The following INPP5F variants were observed in gnomAD, a reference collection of about 807,000 sequenced individuals.
The protein encoded by INPP5F is inositol polyphosphate-5-phosphatase F.
INPP5F carries 97 observed loss-of-function variants against 137.2 expected under a neutral mutation model. The observed-to-expected ratio is 0.71, with a 90% confidence interval of 0.60 to 0.84. The LOEUF (loss-of-function observed/expected upper bound fraction) is 0.84, where lower values mean the gene tolerates loss of function less well. Ranked by LOEUF, INPP5F falls within the 40% of genes least tolerant of loss-of-function variation. The probability of loss-of-function intolerance (pLI) is 0.00; values close to 1 mark genes in which losing one functional copy is unlikely to be tolerated. For missense variants in INPP5F, 1,271 were observed against 1,371.9 expected, an observed-to-expected ratio of 0.93 and a Z score of 1.16; for synonymous variants, 504 against 476.9, an observed-to-expected ratio of 1.06 and a Z score of -0.74.
chr10:119,814,010 C>A (rs1297777468), intron 15 of INPP5F, among the ~76,000 whole-genome samples: 3 of 152,026 alleles, frequency 2.0e-5, no homozygotes, highest in Non-Finnish European at 2.9e-5. Flanking sequence ...CCAGTAAATG[C>A]ATCCTATTTT....
intron 16 of INPP5F, among the ~76,000 whole-genome samples, chr10:119,821,650 G>A (rs1181207676): frequency 6.6e-6 from 1 of 151,976 alleles, no homozygotes; most frequent in East Asian, 1.9e-4. Flanking sequence ...AGATTTAACA[G>A]CTGTATTGTT....
At chr10:119,742,021 A>T (rs577945105) in intron 1 of INPP5F, among the ~76,000 whole-genome samples, 20 of 152,028 alleles carry the variant, frequency 1.3e-4, no homozygotes, top group Non-Finnish European at 2.1e-4. Flanking sequence ...GGGTTTCCTC[A>T]TGTTGGCCAG....
At chr10:119,754,397 CTTTATAT>C (rs71941470) in intron 2 of INPP5F, among the ~76,000 whole-genome samples, 6,289 of 152,230 alleles carry the variant, frequency 0.041, 221 homozygotes, top group South Asian at 0.21. Context: ...GGTCAGCCCC[CTTTATAT>C]GTACTTCTCC....
chr10:119,779,443 G>A (rs573124081), intron 2 of INPP5F, among the ~76,000 whole-genome samples: 22 of 150,776 alleles, frequency 1.5e-4, no homozygotes, highest in African/African-American at 4.4e-4. Context: ...TTTATGAGAC[G>A]GGATCTTTCC....
chr10:119,726,980 G>A (rs867207527), intron 1 of INPP5F, among the ~76,000 whole-genome samples: 1 of 152,228 alleles, frequency 6.6e-6, no homozygotes. Flanking sequence ...GTGACTTGAT[G>A]TTGTGCGACA....
intron 3 of INPP5F, among the ~76,000 whole-genome samples, chr10:119,785,286 G>GTTTT (rs71019717): frequency 0.013 from 1,431 of 106,230 alleles, 120 homozygotes; most frequent in South Asian, 0.079. Flanking sequence ...CTGCCAGACT[G>GTTTT]TTTTTTTTTT....
At chr10:119,780,834 T>C (rs1255870475) in intron 2 of INPP5F, among the ~76,000 whole-genome samples, 1 of 152,214 alleles carries the variant, frequency 6.6e-6, no homozygotes, top group Non-Finnish European at 1.5e-5. Context: ...CTAGAGATTA[T>C]TTCAAGTATA....
At chr10:119,808,108 T>G in intron 13 of INPP5F, 48 bp downstream of exon 13, 1 of 1,577,076 alleles carries the variant, frequency 6.3e-7, no homozygotes, top group Non-Finnish European at 8.6e-7. Context: ...AGGACACAGC[T>G]TAGACTATGG....
chr10:119,775,322 ATC>A (rs1303811284), intron 2 of INPP5F, among the ~76,000 whole-genome samples: 23 of 152,148 alleles, frequency 1.5e-4, no homozygotes, highest in African/African-American at 5.1e-4. Context: ...CAGTGGTGTG[ATC>A]ATGGCTCACT....
At chr10:119,753,673 C>T (rs1275787124) in intron 2 of INPP5F, among the ~76,000 whole-genome samples, 1 of 152,174 alleles carries the variant, frequency 6.6e-6, no homozygotes, top group Non-Finnish European at 1.5e-5. Context: ...GTTCAAGGGC[C>T]TGTATGTCTT....
At chr10:119,781,159 A>G (rs1437100868) in intron 2 of INPP5F, among the ~76,000 whole-genome samples, 1 of 152,238 alleles carries the variant, frequency 6.6e-6, no homozygotes, top group East Asian at 1.9e-4. Context: ...TAATTATAAA[A>G]TAGGCTTCAG....
chr10:119,806,304 T>G (rs914454219), intron 11 of INPP5F, 56 bp from the exon 12 acceptor site: 3 of 1,294,220 alleles, frequency 2.3e-6, no homozygotes, highest in Admixed American at 2.7e-5. Context: ...GAATTGTGTC[T>G]TTTGAAAACC....
In INPP5F at chr10:119,785,302, T is replaced by TTTTTTTTTTG. The variant is rs1554889600; in HGVS notation, c.315+3531_315+3532insTTTTTTTTTG. 2.6e-3 allele frequency among the ~76,000 whole-genome samples: 378 copies of TTTTTTTTTTG among 147,632 alleles called. 3 individuals are homozygous for TTTTTTTTTTG. The highest frequency in any genetic ancestry group is 9.0e-3 in the African/African-American group (356 of 39,618). On this transcript the variant is annotated intron_variant, in intron 3 of 19. Coordinates refer to ENST00000650623, the MANE Select transcript of INPP5F (RefSeq NM_014937.4). ...TGCCAGACTGTTTTTTTTTTTTTTT[T>TTTTTTTTTTG]GGAGACGGAGCCTCGCTCTGTCGCC...
At chr10:119,810,268 T>A in intron 14 of INPP5F, 51 bp downstream of exon 14, 1 of 972,044 alleles carries the variant, frequency 1.0e-6, no homozygotes, top group Non-Finnish European at 1.6e-6. Flanking sequence ...CTTCTGTGAC[T>A]AATATTTTAC....
At chr10:119,815,514 T>G (rs1190573486) in intron 15 of INPP5F, 3 of 188,742 alleles carry the variant, frequency 1.6e-5, no homozygotes, top group Non-Finnish European at 3.4e-5. Context: ...AATCATTAGC[T>G]GAGGTGCTGT....
intron 8 of INPP5F, 32 bp from the exon 9 acceptor site, chr10:119,798,510 AG>A (rs1850466949): frequency 2.6e-6 from 4 of 1,528,126 alleles, no homozygotes; most frequent in African/African-American, 2.7e-5. Context: ...AAACATGGGA[AG>A]GAAAAAAAGA....
At chr10:119,727,848 C>G (rs561455549) in intron 1 of INPP5F, among the ~76,000 whole-genome samples, 1 of 152,308 alleles carries the variant, frequency 6.6e-6, no homozygotes, top group African/African-American at 2.4e-5. Context: ...TCCTTTCACT[C>G]CCCCAAATTT....
At chr10:119,755,745 C>T (rs558600342) in intron 2 of INPP5F, among the ~76,000 whole-genome samples, 15 of 152,328 alleles carry the variant, frequency 9.8e-5, no homozygotes, top group African/African-American at 3.4e-4. Context: ...ACACAATTGC[C>T]TCGAATCAGG....
intron 2 of INPP5F, among the ~76,000 whole-genome samples, chr10:119,769,276 C>T (rs577746173): frequency 2.2e-4 from 33 of 152,112 alleles, no homozygotes; most frequent in South Asian, 4.2e-4. Context: ...AGTAGGGAGT[C>T]GGTTAATTTT....
Sources: allele counts gnomAD v4.1 joint callset (sites outside exome capture counted in the v4.1 genomes callset), GRCh38; gene constraint gnomAD v4.1.1; transcripts MANE v1.5; gene names NCBI Gene and HGNC (gene_info 2026-07-23, HGNC 2026-07-21).